LSG1: variants seen among roughly 807,000 people sequenced by gnomAD.
LSG1 encodes large subunit GTPase 1 homolog.
Under a neutral mutation model 82.6 loss-of-function variants are expected in LSG1, and 55 were observed. The ratio of observed to expected loss-of-function variants is 0.67; its 90% CI spans 0.54 to 0.83. LSG1 has a LOEUF of 0.83. Among genes scored for constraint, LSG1 ranks in the 40% least tolerant of loss-of-function variants. The probability of loss-of-function intolerance (pLI) is 0.00; values close to 1 mark genes in which losing one functional copy is unlikely to be tolerated. For missense variants in LSG1, 809 were observed against 807.9 expected (o/e 1.00, Z -0.02); for synonymous variants, 272 against 282.5 (o/e 0.96, Z 0.37).
intron 7 of LSG1, among the ~76,000 whole-genome samples, chr3:194,656,348 G>C (rs2108618601): frequency 6.6e-6 from 1 of 150,880 alleles, no homozygotes; most frequent in Middle Eastern, 3.4e-3. Flanking sequence ...GATATGAACA[G>C]ACACTTCTCA....
At chr3:194,656,222 G>A (rs375152181) in intron 7 of LSG1, among the ~76,000 whole-genome samples, 1 of 150,958 alleles carries the variant, frequency 6.6e-6, no homozygotes, top group Non-Finnish European at 1.5e-5. Context: ...GCAACCTACA[G>A]AATGGGAGAA....
rs976384766 is a variant in LSG1 at position 194,648,774 on chromosome 3, C to T, written c.1450G>A (p.Glu484Lys). ...ATGATGTTAATGCCATAGGTAGCTT[C>T]TAAAACATGTCTTGGAATATTCTGG... ...VCQNIPRHVL[E>K]ATYGINIITP... The change falls in exon 11 of 14, where the codon GAA (glutamate) becomes AAA (lysine). Residue 484 changes from glutamate to lysine, a missense_variant. Physicochemically the swap from Glu to Lys is moderately conservative, Grantham distance 56 (BLOSUM62 1). Coordinates refer to ENST00000265245, the MANE Select transcript of LSG1 (RefSeq NM_018385.3). The T allele has an allele frequency of 2.7e-5, 43 of 1,613,918 alleles. 1 individual carries two copies. The Middle Eastern group carries it at 4.9e-4, about 19-fold the overall frequency.
chr3:194,646,552 G>A (rs934801234), intron 11 of LSG1: 2 of 192,952 alleles, frequency 1.0e-5, no homozygotes, highest in South Asian at 8.3e-5. Flanking sequence ...ATGGAGTCTC[G>A]TTCTGTTGCC....
chr3:194,650,742 C>T, intron 10 of LSG1, 139 bp downstream of exon 10: 1 of 799,096 alleles, frequency 1.3e-6, no homozygotes. Flanking sequence ...AGTTCTCATG[C>T]TATCTCACAG....
intron 1 of LSG1, 53 bp from the exon 2 acceptor site, chr3:194,670,188 T>A: frequency 1.3e-6 from 2 of 1,599,722 alleles, no homozygotes. Context: ...GCTCTTGGCA[T>A]CCAATAAGCT....
At chr3:194,660,244 T>C in intron 5 of LSG1, 111 bp from the exon 6 acceptor site, 1 of 805,300 alleles carries the variant, frequency 1.2e-6, no homozygotes, top group Middle Eastern at 2.3e-4. Flanking sequence ...GCACTGGACA[T>C]ATATTAACTT....
At position 194,641,802 on chromosome 3, in the gene LSG1, G is replaced by C. The variant is rs180920646; in HGVS notation, c.*266C>G. ...CTAATTTTTTTGTATTTTTAGTAGAGACGGGGTTTCTCCATGTTGGTGCGT... is the reference window on the plus strand; with the variant it reads ...CTAATTTTTTTGTATTTTTAGTAGACACGGGGTTTCTCCATGTTGGTGCGT... On this transcript the variant is annotated 3_prime_UTR_variant, in exon 14 of 14. Transcript: ENST00000265245. The C allele has an allele frequency of 4.9e-4, 149 of 304,090 alleles. 1 individual carries two copies. The East Asian group carries it at 6.6e-3, about 14-fold the overall frequency. 18.8% of individuals were successfully genotyped at this position (304,090 alleles called of 1,614,324 possible).
chr3:194,653,888 C>T (rs1324589745), intron 7 of LSG1, among the ~76,000 whole-genome samples: 2 of 152,080 alleles, frequency 1.3e-5, no homozygotes, highest in African/African-American at 4.8e-5. Context: ...AAACAGAAAA[C>T]CACCACCACA....
Position 194,640,826 on chromosome 3 carries a change from C to T in LSG1, c.*1242G>A, listed in dbSNP as rs1718356855. ...AAAGAGGTTTAATTGGCTCACGGTCCTGTAGATGGTACAGGAAGCACAGCA... is the reference window on the plus strand; with the variant it reads ...AAAGAGGTTTAATTGGCTCACGGTCTTGTAGATGGTACAGGAAGCACAGCA... On this transcript the variant is annotated 3_prime_UTR_variant, in exon 14 of 14. Transcript: ENST00000265245. The T allele has an allele frequency of 6.6e-6, 1 of 152,280 alleles. No homozygotes were observed. The highest frequency in any genetic ancestry group is 1.9e-4 in the East Asian group (1 of 5,184). The allele number at this position is 152,280 out of a possible 1,614,324, so 9.4% of individuals were successfully genotyped here. A position where few individuals can be genotyped will look rare whatever the true frequency, so the allele number is the denominator to read the frequency against.
chr3:194,645,507 C>CACACACACACACACACACACACACACAG (rs1718504396), intron 12 of LSG1: 1 of 45,418 alleles, frequency 2.2e-5, no homozygotes. Context: ...CACACACACA[C>CACACACACACACACACACACACACACAG]ACACACACAC....
intron 5 of LSG1, among the ~76,000 whole-genome samples, chr3:194,662,087 C>G (rs1345399355): frequency 1.3e-5 from 2 of 152,174 alleles, no homozygotes; most frequent in Non-Finnish European, 2.9e-5. Flanking sequence ...TGTTCATGCC[C>G]CTGACGCCCA....
At chr3:194,656,263 G>T (rs1718787236) in intron 7 of LSG1, among the ~76,000 whole-genome samples, 1 of 148,296 alleles carries the variant, frequency 6.7e-6, no homozygotes, top group African/African-American at 2.5e-5. Flanking sequence ...CTGACAAAGG[G>T]CTAATATCCA....
intron 12 of LSG1, among the ~76,000 whole-genome samples, chr3:194,645,860 T>C (rs1718539574): frequency 6.6e-6 from 1 of 152,192 alleles, no homozygotes; most frequent in Admixed American, 6.5e-5. Flanking sequence ...GATAGGCATA[T>C]AAACAGCTAT....
chr3:194,643,547 A>G (rs1718443430), intron 13 of LSG1, among the ~76,000 whole-genome samples: 1 of 152,228 alleles, frequency 6.6e-6, no homozygotes, highest in Non-Finnish European at 1.5e-5. Flanking sequence ...AATGGGAAAT[A>G]ATAAACATTG....
At position 194,659,103 on chromosome 3, in the gene LSG1, T is replaced by C; in HGVS notation, c.613A>G (p.Lys205Glu). 1 of 1,613,750 alleles carries C rather than the reference T, an allele frequency of 6.2e-7. No individual in the cohort carries two copies. The change falls in exon 7 of 14, where the codon AAG becomes GAG. Residue 205 changes from lysine (K) to glutamate (E), a missense_variant. Physicochemically the swap from Lys to Glu is moderately conservative, Grantham distance 56. Coordinates refer to ENST00000265245, the MANE Select transcript of LSG1 (RefSeq NM_018385.3). The part of the protein sequence containing the change: ...ECYVKEMDAN[K>E]ENVILINKAD... ...TTGTTGATCAGAATGACGTTCTCCT[T>C]ATTGGCATCCATTTCTTTCACATAA...
At chr3:194,656,845 G>GT (rs1385361550) in intron 7 of LSG1, among the ~76,000 whole-genome samples, 2 of 152,180 alleles carry the variant, frequency 1.3e-5, no homozygotes, top group African/African-American at 2.4e-5. Flanking sequence ...CATGTCCTTT[G>GT]TAGGGACGTG....
At chr3:194,658,058 A>G (rs1381383460) in intron 7 of LSG1, among the ~76,000 whole-genome samples, 1 of 152,190 alleles carries the variant, frequency 6.6e-6, no homozygotes, top group Non-Finnish European at 1.5e-5. Context: ...TGATAAACAG[A>G]GACGGGAGAA....
At chr3:194,648,482 C>T (rs1218969526) in intron 11 of LSG1, among the ~76,000 whole-genome samples, 199 bp downstream of exon 11, 1 of 152,176 alleles carries the variant, frequency 6.6e-6, no homozygotes, top group Non-Finnish European at 1.5e-5. Flanking sequence ...AAGCAGCAAA[C>T]GTCCTAAAAG....
At chr3:194,642,873 G>A (rs1718428535) in intron 13 of LSG1, among the ~76,000 whole-genome samples, 1 of 152,078 alleles carries the variant, frequency 6.6e-6, no homozygotes, top group Non-Finnish European at 1.5e-5. Context: ...TTCAAACTAG[G>A]AGCTACAAAC....
Sources: allele counts gnomAD v4.1 joint callset (sites outside exome capture counted in the v4.1 genomes callset), GRCh38; gene constraint gnomAD v4.1.1; transcripts MANE v1.5; gene names NCBI Gene and HGNC (gene_info 2026-07-23, HGNC 2026-07-21).